ZNF804B: variants seen among roughly 807,000 people sequenced by gnomAD.
The protein encoded by ZNF804B is zinc finger protein 804B.
ZNF804B carries 80 observed loss-of-function variants against 101.4 expected under a neutral mutation model. The ratio of observed to expected loss-of-function variants is 0.79; its 90% CI spans 0.66 to 0.95. The LOEUF (loss-of-function observed/expected upper bound fraction) is 0.95. Ranked by LOEUF, ZNF804B falls within the 40% of genes least tolerant of loss-of-function variation. ZNF804B has a pLI of 0.00. For synonymous variants in ZNF804B, 622 were observed against 558.8 expected (o/e 1.11, Z -1.59); for missense variants, 1,673 against 1,561.9 (o/e 1.07, Z -1.20).
chr7:88,802,799 A>C (rs963206779), intron 1 of ZNF804B, among the ~76,000 whole-genome samples: 2 of 152,146 alleles, frequency 1.3e-5, no homozygotes, highest in East Asian at 3.9e-4. Flanking sequence ...GGTGGAGTAT[A>C]TACTGAATAT....
intron 1 of ZNF804B, among the ~76,000 whole-genome samples, chr7:89,037,912 C>G (rs918757829): frequency 6.6e-6 from 1 of 152,112 alleles, no homozygotes; most frequent in African/African-American, 2.4e-5. Flanking sequence ...GCAGCATTGT[C>G]TTACTATGCC....
intron 1 of ZNF804B, among the ~76,000 whole-genome samples, chr7:89,210,701 T>A (rs1429707649): frequency 1.3e-5 from 2 of 152,244 alleles, no homozygotes; most frequent in Non-Finnish European, 2.9e-5. Flanking sequence ...CTGCATAGTA[T>A]TCCATGGTGT....
intron 2 of ZNF804B, among the ~76,000 whole-genome samples, chr7:89,269,062 T>C (rs996416743): frequency 6.6e-5 from 10 of 152,008 alleles, no homozygotes; most frequent in Admixed American, 2.0e-4. Context: ...AATTAACATG[T>C]TTTCTTCTTT....
At chr7:89,191,544 C>T (rs947810008) in intron 1 of ZNF804B, among the ~76,000 whole-genome samples, 2 of 152,054 alleles carry the variant, frequency 1.3e-5, no homozygotes, top group Non-Finnish European at 2.9e-5. Flanking sequence ...AACTCATCAA[C>T]TTTTAAGGTT....
chr7:88,836,631 A>C (rs535348521), intron 1 of ZNF804B, among the ~76,000 whole-genome samples: 4 of 152,128 alleles, frequency 2.6e-5, no homozygotes, highest in South Asian at 4.1e-4. Flanking sequence ...AAAATGTATA[A>C]ATGCACAAAT....
At chr7:89,303,422 G>A (rs1202214765) in intron 2 of ZNF804B, among the ~76,000 whole-genome samples, 1 of 151,982 alleles carries the variant, frequency 6.6e-6, no homozygotes, top group East Asian at 1.9e-4. Context: ...TGTGTTAAAA[G>A]GTACACAAAA....
At chr7:88,966,934 C>G (rs1793463401) in intron 1 of ZNF804B, among the ~76,000 whole-genome samples, 1 of 151,006 alleles carries the variant, frequency 6.6e-6, no homozygotes, top group Non-Finnish European at 1.5e-5. Context: ...TCACAGGAGC[C>G]TGACACTTAC....
At chr7:89,316,009 G>A (rs953908422) in intron 2 of ZNF804B, among the ~76,000 whole-genome samples, 3 of 152,184 alleles carry the variant, frequency 2.0e-5, no homozygotes, top group Non-Finnish European at 4.4e-5. Flanking sequence ...ACAATTGTGT[G>A]TGTGTGTCTG....
intron 1 of ZNF804B, among the ~76,000 whole-genome samples, chr7:89,125,396 G>A (rs1051761937): frequency 6.6e-6 from 1 of 151,414 alleles, no homozygotes; most frequent in African/African-American, 2.4e-5. Context: ...ATTTATGCCT[G>A]GACTAACTTT....
intron 3 of ZNF804B, among the ~76,000 whole-genome samples, chr7:89,327,944 C>A (rs948552483): frequency 6.6e-6 from 1 of 151,850 alleles, no homozygotes; most frequent in Non-Finnish European, 1.5e-5. Context: ...CCACACAGTG[C>A]CATTTAAATT....
At chr7:89,096,163 A>G (rs1179942673) in intron 1 of ZNF804B, among the ~76,000 whole-genome samples, 1 of 151,980 alleles carries the variant, frequency 6.6e-6, no homozygotes, top group East Asian at 1.9e-4. Flanking sequence ...TAAAAAAAAA[A>G]AAAAAAAAGA....
At chr7:88,851,374 C>T (rs1487611383) in intron 1 of ZNF804B, among the ~76,000 whole-genome samples, 1 of 151,972 alleles carries the variant, frequency 6.6e-6, no homozygotes, top group African/African-American at 2.4e-5. Context: ...ATCTTAAAAG[C>T]AGCCAAAGGA....
At chr7:89,234,890 C>T (rs1789256982) in intron 2 of ZNF804B, among the ~76,000 whole-genome samples, 1 of 152,122 alleles carries the variant, frequency 6.6e-6, no homozygotes, top group Admixed American at 6.6e-5. Context: ...TTCTCTGGTT[C>T]TCCACCTTGC....
chr7:88,848,134 G>A (rs949359627), intron 1 of ZNF804B, among the ~76,000 whole-genome samples: 26 of 152,104 alleles, frequency 1.7e-4, no homozygotes, highest in Non-Finnish European at 2.9e-5. Flanking sequence ...GAGAGAACAG[G>A]GATGCTGCTA....
intron 1 of ZNF804B, among the ~76,000 whole-genome samples, chr7:89,063,565 G>A (rs957970862): frequency 3.3e-5 from 5 of 152,100 alleles, no homozygotes; most frequent in Admixed American, 2.6e-4. Context: ...ATCAAGGTGG[G>A]AAACTGGGGG....
chr7:89,260,547 C>T (rs1438600688), intron 2 of ZNF804B, among the ~76,000 whole-genome samples: 1 of 152,062 alleles, frequency 6.6e-6, no homozygotes, highest in African/African-American at 2.4e-5. Flanking sequence ...GCTTTATATC[C>T]TTCACTGTCC....
At chr7:88,808,479 T>A (rs1329225643) in intron 1 of ZNF804B, among the ~76,000 whole-genome samples, 1 of 151,912 alleles carries the variant, frequency 6.6e-6, no homozygotes, top group Non-Finnish European at 1.5e-5. Context: ...TATATTATCA[T>A]CTTGTCTAGG....
intron 1 of ZNF804B, among the ~76,000 whole-genome samples, chr7:88,806,157 CAG>C (rs767832437): frequency 2.0e-5 from 3 of 152,000 alleles, no homozygotes; most frequent in Non-Finnish European, 4.4e-5. Context: ...GTGGTATACT[CAG>C]AAAAATCTAA....
intron 1 of ZNF804B, among the ~76,000 whole-genome samples, chr7:89,123,693 T>C (rs1336797297): frequency 9.7e-6 from 1 of 103,236 alleles, no homozygotes; most frequent in Non-Finnish European, 1.9e-5. Flanking sequence ...TATATTTTAC[T>C]ATATAATTTA....
Sources: gnomAD v4.1 joint callset for allele counts (sites outside exome capture counted in the v4.1 genomes callset) on GRCh38, gnomAD v4.1.1 for gene constraint, MANE v1.5 for transcripts, NCBI Gene and HGNC (gene_info 2026-07-23, HGNC 2026-07-21) for gene names.